The following SPATA31F1 variants were observed in gnomAD, a reference collection of about 807,000 sequenced individuals.
The protein encoded by SPATA31F1 is SPATA31 subfamily F member 1.
At chr9:34,723,820 G>C in the SPATA31F1 span, 30 of 1,551,714 alleles carry the variant, frequency 1.9e-5, no homozygotes, top group Non-Finnish European at 2.5e-5. Context: ...TGGTTTGACT[G>C]TCTTGCAGGT....
the SPATA31F1 span, chr9:34,723,667 C>T: frequency 1.9e-6 from 3 of 1,551,622 alleles, no homozygotes; most frequent in Non-Finnish European, 2.6e-6. Flanking sequence ...CCAGCCCATG[C>T]AAAACTTGGC....
chr9:34,725,952 T>C, the SPATA31F1 span: 1 of 1,548,928 alleles, frequency 6.5e-7, no homozygotes, highest in Non-Finnish European at 8.7e-7. Context: ...AATAGCTGGC[T>C]GTATTTCTGC....
the SPATA31F1 span, chr9:34,723,065 A>G: frequency 1.3e-6 from 1 of 780,718 alleles, no homozygotes; most frequent in East Asian, 2.7e-5. Flanking sequence ...GCTGAGAAAT[A>G]TAGAGTGTAT....
chr9:34,728,654 A>T, the SPATA31F1 span: 1 of 1,551,538 alleles, frequency 6.4e-7, no homozygotes, highest in South Asian at 1.2e-5. Context: ...TTTTGGTGAC[A>T]CTTAGAAGAC....
At chr9:34,724,170 G>T in the SPATA31F1 span, 20 of 1,551,108 alleles carry the variant, frequency 1.3e-5, no homozygotes, top group African/African-American at 2.3e-4. Context: ...GGGCCACAGG[G>T]TTCCTCCAGG....
the SPATA31F1 span, chr9:34,724,982 C>T: frequency 9.9e-5 from 154 of 1,551,844 alleles, no homozygotes; most frequent in Non-Finnish European, 1.3e-4. Flanking sequence ...AGTGACAGTA[C>T]CTGGTAAAGC....
chr9:34,724,071 C>T, the SPATA31F1 span: 11 of 1,521,838 alleles, frequency 7.2e-6, no homozygotes, highest in African/African-American at 5.5e-5. Context: ...TGGTCCCTGG[C>T]TGCTTTGGTT....
the SPATA31F1 span, chr9:34,726,909 C>T: frequency 6.4e-7 from 1 of 1,551,728 alleles, no homozygotes. Flanking sequence ...ATCTCCAGAG[C>T]CACAGAATTG....
the SPATA31F1 span, chr9:34,724,560 G>A: frequency 4.5e-6 from 7 of 1,544,180 alleles, no homozygotes; most frequent in East Asian, 1.5e-4. Context: ...TTTCTCAGGT[G>A]GAAGTTTAGT....
chr9:34,726,962 C>G, the SPATA31F1 span: 1 of 1,550,232 alleles, frequency 6.5e-7, no homozygotes, highest in Admixed American at 2.0e-5. Context: ...TCGCCGCACA[C>G]TTCTCTCCAG....
the SPATA31F1 span, chr9:34,725,937 C>T: frequency 1.2e-5 from 19 of 1,550,448 alleles, 1 homozygote; most frequent in South Asian, 2.0e-4. Context: ...GAAGGGAGCC[C>T]ACAGAATAGC....
the SPATA31F1 span, chr9:34,728,634 T>G: frequency 6.4e-7 from 1 of 1,551,282 alleles, no homozygotes; most frequent in Non-Finnish European, 8.7e-7. Flanking sequence ...CTCTAGCTCT[T>G]TGCCTGACTT....
At chr9:34,723,807 G>A in the SPATA31F1 span, 1 of 1,551,620 alleles carries the variant, frequency 6.4e-7, no homozygotes. Flanking sequence ...ATGACAGTTA[G>A]CTTGGTTTGA....
the SPATA31F1 span, chr9:34,725,470 C>T: frequency 7.9e-7 from 1 of 1,258,736 alleles, no homozygotes; most frequent in East Asian, 2.7e-5. Flanking sequence ...ATTCCAGCAG[C>T]TTCCGGGCAT....
chr9:34,726,799 C>T, the SPATA31F1 span: 14 of 1,551,654 alleles, frequency 9.0e-6, no homozygotes, highest in African/African-American at 4.1e-5. Flanking sequence ...GATCTAAAGA[C>T]ATACTAGACG....
At chr9:34,723,500 T>C in the SPATA31F1 span, 1 of 1,551,708 alleles carries the variant, frequency 6.4e-7, no homozygotes, top group Non-Finnish European at 8.7e-7. Flanking sequence ...AACATTTTCT[T>C]TTCTGGTTTT....
the SPATA31F1 span, chr9:34,725,889 A>T: frequency 3.2e-6 from 5 of 1,552,010 alleles, no homozygotes. Flanking sequence ...AGGCCTTGAG[A>T]TCCCATGAAA....
chr9:34,723,097 C>T, the SPATA31F1 span: 1 of 1,082,298 alleles, frequency 9.2e-7, no homozygotes, highest in Non-Finnish European at 1.3e-6. Context: ...TCTGTCCCAC[C>T]TGCACATTTA....
At chr9:34,728,709 GTCCA>G in the SPATA31F1 span, 1 of 1,485,764 alleles carries the variant, frequency 6.7e-7, no homozygotes, top group Non-Finnish European at 9.2e-7. Flanking sequence ...TCTTTCTCAT[GTCCA>G]AAATGAGACA....
Sources: allele counts gnomAD v4.1 joint callset, GRCh38; gene constraint gnomAD v4.1.1; transcripts MANE v1.5; gene names NCBI Gene and HGNC (gene_info 2026-07-23, HGNC 2026-07-21).